Variants in JARID2 observed in about 807,000 individuals in gnomAD.
JARID2 encodes the protein protein Jumonji.
Under a neutral mutation model 125.6 loss-of-function variants are expected in JARID2, and 21 were observed. That is an observed-to-expected ratio of 0.17 (90% CI 0.12 to 0.24). JARID2 has a LOEUF of 0.24. Ranked by LOEUF, JARID2 falls within the 10% of genes least tolerant of loss-of-function variation. The pLI, the probability that JARID2 is intolerant of heterozygous loss-of-function variation, is 1.00. For synonymous variants in JARID2, 736 were observed against 661.6 expected, an observed-to-expected ratio of 1.11 and a Z score of -1.73; for missense variants, 1,303 against 1,639.6, an observed-to-expected ratio of 0.79 and a Z score of 3.55.
intron 4 of JARID2, among the ~76,000 whole-genome samples, chr6:15,459,511 A>G (rs912155350): frequency 6.6e-6 from 1 of 152,172 alleles, no homozygotes; most frequent in African/African-American, 2.4e-5. Flanking sequence ...GGTTGATTCC[A>G]TGGGTGCAGA....
chr6:15,492,933 C>A (rs1270676326), intron 6 of JARID2, among the ~76,000 whole-genome samples: 2 of 152,122 alleles, frequency 1.3e-5, no homozygotes, highest in Non-Finnish European at 2.9e-5. Context: ...TATTGCAACT[C>A]ATTTCTCTCA....
At chr6:15,403,965 G>T (rs572512416) in intron 2 of JARID2, among the ~76,000 whole-genome samples, 1 of 152,270 alleles carries the variant, frequency 6.6e-6, no homozygotes, top group South Asian at 2.1e-4. Context: ...CTCCATAGCT[G>T]ATTTGACAGT....
chr6:15,253,031 A>G (rs1193064500), intron 1 of JARID2, among the ~76,000 whole-genome samples: 1 of 152,050 alleles, frequency 6.6e-6, no homozygotes, highest in African/African-American at 2.4e-5. Flanking sequence ...AGACAATCCT[A>G]TAACCTTCTG....
At chr6:15,383,740 T>C (rs1351206940) in intron 2 of JARID2, among the ~76,000 whole-genome samples, 2 of 152,170 alleles carry the variant, frequency 1.3e-5, no homozygotes, top group Non-Finnish European at 2.9e-5. Context: ...TAGCAGCATT[T>C]ACCGTGATTG....
chr6:15,444,667 G>A (rs1253998699), intron 3 of JARID2, among the ~76,000 whole-genome samples: 10 of 150,470 alleles, frequency 6.6e-5, no homozygotes, highest in Admixed American at 6.6e-4. Flanking sequence ...TTCAGGGCCA[G>A]CTCCCACACC....
At chr6:15,406,146 A>G (rs757017764) in intron 2 of JARID2, among the ~76,000 whole-genome samples, 8 of 152,152 alleles carry the variant, frequency 5.3e-5, no homozygotes, top group African/African-American at 9.7e-5. Context: ...AGTAAAATCT[A>G]TGGTCCTGGC....
intron 3 of JARID2, among the ~76,000 whole-genome samples, chr6:15,450,440 G>GATT (rs1326722517): frequency 1.3e-5 from 2 of 152,146 alleles, no homozygotes; most frequent in Non-Finnish European, 2.9e-5. Flanking sequence ...AAAGTGCTAG[G>GATT]ATTACAGGGA....
At chr6:15,412,013 CA>C (rs1321794416) in intron 3 of JARID2, among the ~76,000 whole-genome samples, 1 of 152,204 alleles carries the variant, frequency 6.6e-6, no homozygotes, top group Admixed American at 6.5e-5. Flanking sequence ...GAGTGCAAAG[CA>C]GTCATTTAAC....
At chr6:15,514,458 C>T (rs995104867) in intron 16 of JARID2, among the ~76,000 whole-genome samples, 2 of 152,224 alleles carry the variant, frequency 1.3e-5, no homozygotes, top group African/African-American at 2.4e-5. Context: ...GCTGCACACT[C>T]GCTGAGAGGC....
In JARID2 at chr6:15,520,675, T is replaced by C. The variant is rs1044256706; in HGVS notation, c.*424T>C. ...ATGTGAGCAGATTTTTTAGAAGGGA[T>C]AGGAGACACACGCGCACACACACAC... On this transcript the variant is annotated 3_prime_UTR_variant, in exon 18 of 18. Coordinates refer to ENST00000341776, the MANE Select transcript of JARID2 (RefSeq NM_004973.4). The C allele has an allele frequency of 1.0e-5, 4 of 386,930 alleles. No individual in the cohort carries two copies. The highest frequency in any genetic ancestry group is 9.3e-5 in the African/African-American group (4 of 42,874). 24.0% of individuals were successfully genotyped at this position (386,930 alleles called of 1,614,324 possible). A position where few individuals can be genotyped will look rare whatever the true frequency, so the allele number is the denominator to read the frequency against.
At chr6:15,295,115 TTTTC>T (rs1344804103) in intron 1 of JARID2, among the ~76,000 whole-genome samples, 2 of 148,248 alleles carry the variant, frequency 1.3e-5, no homozygotes, top group East Asian at 3.9e-4. Context: ...TTTCTTTTTT[TTTTC>T]TTTCTTTTTT....
In JARID2 at chr6:15,496,765, C is replaced by T. The variant is rs1770458245; in HGVS notation, c.1540C>T (p.His514Tyr). The T allele has an allele frequency of 6.2e-7, 1 of 1,613,230 alleles. No homozygotes were observed. Among genetic ancestry groups the T allele is most frequent in the Non-Finnish European group, 8.5e-7 (1 of 1,179,832 alleles). ...GAAGAGCACGCCAGGCAGACAAGCA[C>T]ATGGCAAGGCGGACAGCGCCTCCTG... ...AGKSTPGRQA[H>Y]GKADSASCEN... Residue 514 changes from histidine (H) to tyrosine (Y), a missense_variant, in exon 7 of 18, where the codon CAT becomes TAT. His to Tyr is a moderately conservative substitution (Grantham distance 83). This residue lies in a region of JARID2 where 651 missense variants were observed against 581.6 expected (regional missense o/e 1.12). Transcript: ENST00000341776.
chr6:15,282,896 C>T (rs993266816), intron 1 of JARID2, among the ~76,000 whole-genome samples: 33 of 152,154 alleles, frequency 2.2e-4, no homozygotes, highest in South Asian at 4.1e-4. Context: ...CCACCCCGCC[C>T]GGTCTGATTG....
chr6:15,417,831 T>C (rs1766303577), intron 3 of JARID2, among the ~76,000 whole-genome samples: 1 of 152,246 alleles, frequency 6.6e-6, no homozygotes, highest in Non-Finnish European at 1.5e-5. Context: ...CCATTGTCAG[T>C]ATATGTGACA....
intron 8 of JARID2, among the ~76,000 whole-genome samples, chr6:15,503,027 G>A (rs375261953): frequency 5.9e-5 from 9 of 152,250 alleles, no homozygotes; most frequent in East Asian, 1.9e-4. Context: ...TTCTGTGAGC[G>A]TATGTTTGAT....
At chr6:15,327,383 A>G (rs1414682492) in intron 1 of JARID2, among the ~76,000 whole-genome samples, 2 of 152,038 alleles carry the variant, frequency 1.3e-5, no homozygotes, top group African/African-American at 4.8e-5. Context: ...ATAGTCCCTT[A>G]TCAGTCTCAG....
chr6:15,481,576 T>C (rs1270027684), intron 5 of JARID2, among the ~76,000 whole-genome samples: 2 of 152,180 alleles, frequency 1.3e-5, no homozygotes, highest in African/African-American at 4.8e-5. Flanking sequence ...ATTAATGAGC[T>C]GTTGAGTACA....
At position 15,297,537 on chromosome 6, in the gene JARID2, C is replaced by T. The variant is rs144288065; in HGVS notation, c.45+50953C>T. On this transcript the variant is annotated intron_variant, in intron 1 of 17. Transcript: ENST00000341776. ...GTGTTTTTTTGTATGGATGGGATCT[C>T]GCTGTGTTACCCAGGCTAGTCTTGA... Among the ~76,000 whole-genome samples the T allele has an allele frequency of 2.5e-4, 38 of 150,600 alleles. No homozygotes were observed. In the South Asian group the frequency reaches 3.8e-3, roughly 15 times the overall value.
chr6:15,441,419 A>G (rs953080333), intron 3 of JARID2, among the ~76,000 whole-genome samples: 8 of 152,168 alleles, frequency 5.3e-5, no homozygotes, highest in African/African-American at 1.9e-4. Flanking sequence ...GGGTGATCCC[A>G]CAGCTGGAGT....
Sources: allele counts gnomAD v4.1 joint callset (sites outside exome capture counted in the v4.1 genomes callset), GRCh38; gene constraint gnomAD v4.1.1; regional missense constraint gnomAD v4.1.1; transcripts MANE v1.5; gene names NCBI Gene and HGNC (gene_info 2026-07-23, HGNC 2026-07-21).